ATP13A5: variants seen among roughly 807,000 people sequenced by gnomAD.
ATP13A5 encodes ATPase 13A5.
A neutral mutation model predicts 150.2 loss-of-function variants in ATP13A5; 149 were observed. That is an observed-to-expected ratio of 0.99 (90% CI 0.87 to 1.14). The LOEUF (loss-of-function observed/expected upper bound fraction) is 1.14, where lower values mean the gene tolerates loss of function less well. ATP13A5 is among the 50% of genes most tolerant of loss of function. The probability of loss-of-function intolerance (pLI) is 0.00; values close to 1 mark genes in which losing one functional copy is unlikely to be tolerated. For missense variants in ATP13A5, 1,383 were observed against 1,449.3 expected, an observed-to-expected ratio of 0.95 and a Z score of 0.74; for synonymous variants, 497 against 522.2, an observed-to-expected ratio of 0.95 and a Z score of 0.66.
At chr3:193,299,890 G>A (rs1718334973) in intron 24 of ATP13A5, among the ~76,000 whole-genome samples, 1 of 152,114 alleles carries the variant, frequency 6.6e-6, no homozygotes, top group Non-Finnish European at 1.5e-5. Context: ...CTATAAACTG[G>A]TTCTGAGCAC....
intron 27 of ATP13A5, among the ~76,000 whole-genome samples, chr3:193,279,706 G>T (rs933958820): frequency 6.6e-6 from 1 of 152,116 alleles, no homozygotes; most frequent in African/African-American, 2.4e-5. Flanking sequence ...TAAAGCAGCT[G>T]CCCTGGTGCA....
At chr3:193,347,063 T>G (rs9831498) in intron 7 of ATP13A5, among the ~76,000 whole-genome samples, 5 of 152,156 alleles carry the variant, frequency 3.3e-5, no homozygotes, top group African/African-American at 4.8e-5. Flanking sequence ...ACAGACAACA[T>G]TGAATTGGAT....
At chr3:193,311,645 G>A (rs1054257823) in intron 20 of ATP13A5, among the ~76,000 whole-genome samples, 171 bp downstream of exon 20, 4 of 152,246 alleles carry the variant, frequency 2.6e-5, no homozygotes, top group Admixed American at 2.6e-4. Flanking sequence ...GCCTGGGACC[G>A]AGAAGGCATA....
intron 20 of ATP13A5, 132 bp from the exon 21 acceptor site, chr3:193,310,849 A>G: frequency 1.7e-6 from 1 of 571,892 alleles, no homozygotes; most frequent in Admixed American, 3.5e-5. Context: ...TTAGACCAAT[A>G]CCAGGAAGGG....
chr3:193,330,549 C>A (rs762791973), intron 12 of ATP13A5, among the ~76,000 whole-genome samples: 1 of 152,246 alleles, frequency 6.6e-6, no homozygotes, highest in Non-Finnish European at 1.5e-5. Context: ...ATAGGAGACT[C>A]ACGTCATGGG....
chr3:193,359,306 A>G (rs1712912848), intron 5 of ATP13A5, among the ~76,000 whole-genome samples: 1 of 152,142 alleles, frequency 6.6e-6, no homozygotes, highest in African/African-American at 2.4e-5. Flanking sequence ...CACGGTATAT[A>G]AGCATGGTTT....
chr3:193,298,422 A>T (rs543354019), intron 25 of ATP13A5, among the ~76,000 whole-genome samples: 2 of 152,234 alleles, frequency 1.3e-5, no homozygotes, highest in South Asian at 4.2e-4. Context: ...TACATAAAAC[A>T]TATCAGTTTT....
intron 24 of ATP13A5, among the ~76,000 whole-genome samples, 155 bp from the exon 25 acceptor site, chr3:193,299,358 T>G (rs1718310633): frequency 6.6e-6 from 1 of 152,128 alleles, no homozygotes; most frequent in African/African-American, 2.4e-5. Context: ...TAGCATCTCA[T>G]TTTGTAGAAT....
At chr3:193,345,903 T>C (rs1489956953) in intron 7 of ATP13A5, among the ~76,000 whole-genome samples, 4 of 152,112 alleles carry the variant, frequency 2.6e-5, no homozygotes, top group African/African-American at 7.2e-5. Flanking sequence ...CAAAGCTAAA[T>C]GTTCTCTGTA....
chr3:193,320,947 T>G (rs1037521334), intron 16 of ATP13A5, among the ~76,000 whole-genome samples: 4 of 152,218 alleles, frequency 2.6e-5, no homozygotes, highest in African/African-American at 9.7e-5. Context: ...TTTACTCTGA[T>G]CACTTTTATT....
At chr3:193,312,620 A>G (rs1429101248) in intron 19 of ATP13A5, 1 of 152,176 alleles carries the variant, frequency 6.6e-6, no homozygotes, top group African/African-American at 2.4e-5. Flanking sequence ...TGCATTCATT[A>G]TATCAATAAT....
At chr3:193,355,525 G>GTTTAT (rs1712749922) in intron 5 of ATP13A5, among the ~76,000 whole-genome samples, 2 of 152,160 alleles carry the variant, frequency 1.3e-5, no homozygotes, top group African/African-American at 2.4e-5. Flanking sequence ...ATAACAGAGA[G>GTTTAT]CTGAGCCCAA....
intron 16 of ATP13A5, among the ~76,000 whole-genome samples, chr3:193,320,464 A>G (rs982759029): frequency 2.0e-5 from 3 of 152,218 alleles, no homozygotes; most frequent in South Asian, 2.1e-4. Context: ...GCCAAGTGAC[A>G]GGCCCAAATC....
At chr3:193,355,122 G>T (rs9854431) in intron 5 of ATP13A5, among the ~76,000 whole-genome samples, 3 of 151,406 alleles carry the variant, frequency 2.0e-5, no homozygotes, top group East Asian at 2.0e-4. Context: ...AGTACAGACG[G>T]GGTTTCTCCA....
intron 7 of ATP13A5, among the ~76,000 whole-genome samples, chr3:193,350,700 G>A (rs571994541): frequency 6.6e-6 from 1 of 152,282 alleles, no homozygotes; most frequent in South Asian, 2.1e-4. Flanking sequence ...AGATGGAAAT[G>A]TTCTAAGGGG....
intron 15 of ATP13A5, 92 bp from the exon 16 acceptor site, chr3:193,321,929 C>A: frequency 7.4e-7 from 1 of 1,359,586 alleles, no homozygotes; most frequent in Admixed American, 2.2e-5. Flanking sequence ...TGCAATGAGC[C>A]CAGAGACATC....
At chr3:193,298,904 G>T (rs548556713) in intron 25 of ATP13A5, among the ~76,000 whole-genome samples, 1 of 152,176 alleles carries the variant, frequency 6.6e-6, no homozygotes, top group African/African-American at 2.4e-5. Flanking sequence ...CTTGGACTAC[G>T]TTGACAGTTT....
chr3:193,306,056 G>T lies in ATP13A5; in HGVS notation c.2569-388C>A, dbSNP rs1241730513. On this transcript the variant is annotated intron_variant, in intron 22 of 29. Coordinates refer to ENST00000342358, the MANE Select transcript of ATP13A5 (RefSeq NM_198505.4). ...CTTCACCGTTTCAGTTCTTGTACCT[G>T]GTGGGAATCTTCATGAACAAAGGTG... 2.0e-5 allele frequency among the ~76,000 whole-genome samples: 3 copies of T among 151,938 alleles called. No individual in the cohort carries two copies. In the East Asian group the frequency reaches 5.8e-4, roughly 29 times the overall value.
intron 13 of ATP13A5, among the ~76,000 whole-genome samples, chr3:193,325,738 C>T (rs931432164): frequency 6.6e-6 from 1 of 152,204 alleles, no homozygotes; most frequent in South Asian, 2.1e-4. Context: ...CTGGACATCC[C>T]ACCTCTAAAG....
Sources: gnomAD v4.1 joint callset for allele counts (sites outside exome capture counted in the v4.1 genomes callset) on GRCh38, gnomAD v4.1.1 for gene constraint, MANE v1.5 for transcripts, NCBI Gene and HGNC (gene_info 2026-07-23, HGNC 2026-07-21) for gene names.